Variants in BFSP1 observed in about 807,000 individuals in gnomAD.
BFSP1 encodes beaded filament structural protein 1.
BFSP1 carries 38 observed loss-of-function variants against 43.9 expected under a neutral mutation model. That is an observed-to-expected ratio of 0.87 (90% CI 0.67 to 1.14). The LOEUF (loss-of-function observed/expected upper bound fraction) is 1.14, where lower values mean the gene tolerates loss of function less well. BFSP1 is among the 50% of genes most tolerant of loss of function. The pLI, the probability that BFSP1 is intolerant of heterozygous loss-of-function variation, is 0.00. For missense variants in BFSP1, 850 were observed against 875.1 expected, an observed-to-expected ratio of 0.97 and a Z score of 0.36; for synonymous variants, 352 against 354.8, an observed-to-expected ratio of 0.99 and a Z score of 0.09.
chr20:17,552,249 C>T (rs1289667750), intron 1 of BFSP1, among the ~76,000 whole-genome samples: 1 of 152,018 alleles, frequency 6.6e-6, no homozygotes, highest in Non-Finnish European at 1.5e-5. Flanking sequence ...GATGGGAAAG[C>T]CATTTGGATT....
chr20:17,558,740 C>T (rs2035035994), exon 1 of BFSP1: 1 of 1,551,148 alleles, frequency 6.4e-7, no homozygotes, highest in Non-Finnish European at 8.7e-7. Flanking sequence ...ATCCATTCAG[C>T]TCACATCCAA....
intron 1 of BFSP1, chr20:17,565,815 T>C (rs1007378283): frequency 6.6e-6 from 1 of 152,182 alleles, no homozygotes; most frequent in African/African-American, 2.4e-5. Context: ...GATTAAGTTA[T>C]TTTTAAAAGA....
At chr20:17,510,575 A>G (rs1600647013) in intron 4 of BFSP1, among the ~76,000 whole-genome samples, 1 of 152,268 alleles carries the variant, frequency 6.6e-6, no homozygotes, top group Non-Finnish European at 1.5e-5. Flanking sequence ...CCTGTCGCTT[A>G]GATGATACTT....
At chr20:17,562,563 G>T (rs1847091915), upstream of BFSP1, among the ~76,000 whole-genome samples, 1 of 148,498 alleles carries the variant, frequency 6.7e-6, no homozygotes, top group African/African-American at 2.5e-5. Context: ...GAATCCCAAA[G>T]GGAATATATA....
At chr20:17,558,335 T>C (rs1638915647) in intron 1 of BFSP1, among the ~76,000 whole-genome samples, 2 of 152,236 alleles carry the variant, frequency 1.3e-5, no homozygotes, top group Admixed American at 1.3e-4. Context: ...GGGAAGTTTC[T>C]GGCCTTGGGA....
intron 1 of BFSP1, among the ~76,000 whole-genome samples, chr20:17,557,886 A>G (rs1304177040): frequency 6.6e-6 from 1 of 152,198 alleles, no homozygotes; most frequent in Non-Finnish European, 1.5e-5. Context: ...AAGTGGATAC[A>G]ATGGCCTTTT....
intron 1 of BFSP1, among the ~76,000 whole-genome samples, chr20:17,527,749 TAAG>T (rs2123526682): frequency 8.9e-6 from 1 of 112,322 alleles, no homozygotes; most frequent in Non-Finnish European, 1.8e-5. Flanking sequence ...TAAAATAAAA[TAAG>T]AGAGAGAGAG....
At position 17,553,830 on chromosome 20, in the gene BFSP1, TATATATACAC is replaced by T. The variant is rs1286939101; in HGVS notation, c.2+4848_2+4857del. ...ACACACACACACACACACACATATA[TATATATACAC>T]ATATATATACATATATATACACATA... On this transcript the variant is annotated intron_variant, in intron 1 of 7. Transcript: ENST00000377868. 2.6e-4 allele frequency among the ~76,000 whole-genome samples: 23 copies of T among 90,080 alleles called. 1 individual carries two copies. The highest frequency in any genetic ancestry group is 1.6e-3 in the African/African-American group (22 of 13,478). The allele number at this position is 90,080 out of a possible 152,430, so 59.1% of individuals were successfully genotyped here.
At position 17,531,078 on chromosome 20, in the gene BFSP1, G is replaced by C. The variant is rs1269399838; in HGVS notation, c.252C>G (p.Pro84=). 3.6e-6 allele frequency: 5 copies of C among 1,376,012 alleles called. No individual in the cohort carries two copies. The highest frequency in any genetic ancestry group is 3.8e-6 in the Non-Finnish European group (4 of 1,066,442). The allele number at this position is 1,376,012 out of a possible 1,614,324, so 85.2% of individuals were successfully genotyped here. ...CGACTTGGCGGGCGAGGGCGTCCTCGGGCCCGGCCAGCTCGCCCAGGCGCT... is the reference window on the plus strand; with the variant it reads ...CGACTTGGCGGGCGAGGGCGTCCTCCGGCCCGGCCAGCTCGCCCAGGCGCT... ...AFQRLGELAG[P]EDALARQVES... The change falls in exon 1 of 8, where the codon CCC becomes CCG. Residue 84 remains proline (P), a synonymous_variant. Transcript: ENST00000377873.
At chr20:17,497,121 G>A (rs1279749821) in intron 6 of BFSP1, 98 bp from the exon 7 acceptor site, 2 of 886,216 alleles carry the variant, frequency 2.3e-6, no homozygotes, top group African/African-American at 1.8e-5. Flanking sequence ...GCTTTCTCTA[G>A]ACCAAATTGC....
upstream of BFSP1, among the ~76,000 whole-genome samples, chr20:17,536,041 G>T (rs559808852): frequency 6.6e-6 from 1 of 152,032 alleles, no homozygotes; most frequent in Non-Finnish European, 1.5e-5. Context: ...GCCTCCCAAA[G>T]TGCTGGGATC....
intron 7 of BFSP1, among the ~76,000 whole-genome samples, chr20:17,496,002 G>A (rs761020): frequency 0.15 from 23,143 of 152,218 alleles, 2,010 homozygotes; most frequent in Middle Eastern, 0.21. Context: ...GCTGGGAACT[G>A]GTATGCGAGG....
intron 4 of BFSP1, among the ~76,000 whole-genome samples, 163 bp downstream of exon 4, chr20:17,511,813 G>A (rs1034276431): frequency 6.6e-6 from 1 of 152,226 alleles, no homozygotes; most frequent in African/African-American, 2.4e-5. Context: ...TACAGTACAA[G>A]TAAAATATCA....
At chr20:17,516,605 A>C (rs1295357956) in intron 2 of BFSP1, among the ~76,000 whole-genome samples, 1 of 152,244 alleles carries the variant, frequency 6.6e-6, no homozygotes, top group Non-Finnish European at 1.5e-5. Flanking sequence ...AATATTTAAC[A>C]AATCTCTTTC....
chr20:17,560,298 T>G (rs1339094258), upstream of BFSP1: 1 of 152,216 alleles, frequency 6.6e-6, no homozygotes, highest in Non-Finnish European at 1.5e-5. Context: ...TCCAGCCATC[T>G]CTTCCATATT....
intron 1 of BFSP1, among the ~76,000 whole-genome samples, chr20:17,526,283 T>C (rs1568700938): frequency 6.6e-6 from 1 of 151,990 alleles, no homozygotes; most frequent in East Asian, 1.9e-4. Context: ...TAACTCCTCA[T>C]CTTGCAAAGC....
rs1422166637 is a variant in BFSP1 at position 17,498,854 on chromosome 20, G to A, written c.922C>T (p.Arg308Trp). The A allele has an allele frequency of 3.7e-6, 6 of 1,613,442 alleles. No homozygotes were observed. The highest frequency in any genetic ancestry group is 2.2e-5 in the East Asian group (1 of 44,878). ...AQQTLKNELD[R>W]YHRIIEIEGN... The stretch of plus-strand genomic sequence containing the variant: ...TCAATCTCGATGATACGATGATACC[G>A]GTCCAGCTCATTCTTCAGGGTTTGC... Residue 308 changes from arginine to tryptophan, a missense_variant, in exon 6 of 8, where the codon CGG (arginine) becomes TGG (tryptophan). By Grantham distance (101) the Arg-to-Trp change is moderately radical. Transcript: ENST00000377873.
intron 5 of BFSP1, among the ~76,000 whole-genome samples, chr20:17,504,625 G>C (rs1244747539): frequency 6.6e-6 from 1 of 152,218 alleles, no homozygotes; most frequent in African/African-American, 2.4e-5. Context: ...ATGAGCAAAG[G>C]GGAGGTCCCA....
chr20:17,539,867 G>A (rs768175638), intron 1 of BFSP1, among the ~76,000 whole-genome samples: 3 of 152,152 alleles, frequency 2.0e-5, no homozygotes, highest in Non-Finnish European at 4.4e-5. Flanking sequence ...GGGACTGATT[G>A]AACACAAGAG....
Sources: allele counts gnomAD v4.1 joint callset (sites outside exome capture counted in the v4.1 genomes callset), GRCh38; gene constraint gnomAD v4.1.1; transcripts MANE v1.5; gene names NCBI Gene and HGNC (gene_info 2026-07-23, HGNC 2026-07-21).